The following IRGM variants were observed in gnomAD, a reference collection of about 807,000 sequenced individuals.
IRGM encodes the protein immunity related GTPase M.
For missense variants in IRGM, 288 were observed against 219.9 expected (o/e 1.31, Z -1.96); for synonymous variants, 98 against 80.6 (o/e 1.22, Z -1.16).
intron 1 of IRGM, among the ~76,000 whole-genome samples, chr5:150,865,500 T>C (rs1334839988): frequency 1.3e-5 from 2 of 152,190 alleles, no homozygotes; most frequent in African/African-American, 4.8e-5. Context: ...TACAGAAATC[T>C]TGAAACAGAA....
At chr5:150,877,921 T>C (rs1754387452) in intron 1 of IRGM, 1 of 440,128 alleles carries the variant, frequency 2.3e-6, no homozygotes, top group Admixed American at 2.6e-5. Context: ...TTATACTTTT[T>C]TGTTTGCATG....
At chr5:150,873,254 C>G (rs1754313830) in intron 1 of IRGM, among the ~76,000 whole-genome samples, 1 of 152,184 alleles carries the variant, frequency 6.6e-6, no homozygotes, top group South Asian at 2.1e-4. Flanking sequence ...CAGAAAACTT[C>G]CAGGCTGAGT....
chr5:150,885,523 T>A (rs1347432060), intron 3 of IRGM, among the ~76,000 whole-genome samples: 1 of 152,112 alleles, frequency 6.6e-6, no homozygotes, highest in Non-Finnish European at 1.5e-5. Flanking sequence ...ACGCCCATTT[T>A]AATGATATTA....
chr5:150,898,764 C>T (rs1056226846), intron 3 of IRGM, among the ~76,000 whole-genome samples: 2 of 151,890 alleles, frequency 1.3e-5, no homozygotes, highest in African/African-American at 4.8e-5. Context: ...TAATTTCATA[C>T]ATTTTAAAGG....
chr5:150,858,723 T>C (rs897726391), intron 1 of IRGM, among the ~76,000 whole-genome samples: 2 of 152,162 alleles, frequency 1.3e-5, no homozygotes, highest in African/African-American at 4.8e-5. Context: ...TTTGGCTCTC[T>C]GTTTGTCTGT....
Position 150,846,618 on chromosome 5 carries a change from C to G in IRGM, c.-1018C>G, listed in dbSNP as rs1487103264. The G allele has an allele frequency of 6.6e-6, 1 of 152,318 alleles. No homozygotes were observed. Among genetic ancestry groups the G allele is most frequent in the Admixed American group, 6.5e-5 (1 of 15,272 alleles). The allele number at this position is 152,318 out of a possible 1,614,324, so 9.4% of individuals were successfully genotyped here. A position where few individuals can be genotyped will look rare whatever the true frequency, so the allele number is the denominator to read the frequency against. On this transcript the variant is annotated 5_prime_UTR_variant, in exon 1 of 2. Coordinates refer to ENST00000522154, the MANE Select transcript of IRGM (RefSeq NM_001145805.2). ...TGCTCATTCTTTGGGTCCACACTGC[C>G]TTTATGAGCTGTAACACTCACCGTG...
chr5:150,876,075 C>T (rs2113282152), intron 1 of IRGM, among the ~76,000 whole-genome samples: 1 of 152,336 alleles, frequency 6.6e-6, no homozygotes, highest in Middle Eastern at 3.4e-3. Flanking sequence ...GCACTGTGCT[C>T]ATACTCATGG....
At chr5:150,897,778 G>A (rs1754846273) in intron 3 of IRGM, 1 of 390,540 alleles carries the variant, frequency 2.6e-6, no homozygotes, top group Non-Finnish European at 4.5e-6. Flanking sequence ...TCATTTATCT[G>A]GGAATATTGC....
chr5:150,872,215 T>C (rs550886183), intron 1 of IRGM, among the ~76,000 whole-genome samples: 184 of 152,362 alleles, frequency 1.2e-3, no homozygotes, highest in Middle Eastern at 6.8e-3. Context: ...GCATTCCTGA[T>C]GAAGCTGGGG....
At chr5:150,864,524 A>G (rs1444083418) in intron 1 of IRGM, among the ~76,000 whole-genome samples, 1 of 152,136 alleles carries the variant, frequency 6.6e-6, no homozygotes, top group African/African-American at 2.4e-5. Flanking sequence ...AAATCTCTTT[A>G]CAATTCAATC....
chr5:150,853,663 G>A (rs1243834641), downstream of IRGM, among the ~76,000 whole-genome samples: 2 of 151,974 alleles, frequency 1.3e-5, no homozygotes, highest in Non-Finnish European at 2.9e-5. Flanking sequence ...TTTGTCTCTT[G>A]TAACAGTTTT....
downstream of IRGM, among the ~76,000 whole-genome samples, chr5:150,851,427 A>G (rs1753973551): frequency 1.3e-5 from 2 of 152,212 alleles, no homozygotes; most frequent in South Asian, 4.1e-4. Context: ...GGACCTCATC[A>G]GGACAGGGAT....
chr5:150,854,456 C>A (rs1345976299), intron 1 of IRGM, among the ~76,000 whole-genome samples: 1 of 152,028 alleles, frequency 6.6e-6, no homozygotes, highest in Non-Finnish European at 1.5e-5. Flanking sequence ...TTTATTTCAA[C>A]TTTGAAGGGC....
At chr5:150,854,286 T>G (rs910767370) in intron 1 of IRGM, among the ~76,000 whole-genome samples, 4 of 152,150 alleles carry the variant, frequency 2.6e-5, no homozygotes, top group Admixed American at 6.5e-5. Flanking sequence ...CATGGATTTA[T>G]AATTATTTTT....
chr5:150,854,410 A>G (rs957963308), intron 1 of IRGM, among the ~76,000 whole-genome samples: 7 of 151,974 alleles, frequency 4.6e-5, no homozygotes, highest in African/African-American at 1.7e-4. Context: ...AGATCTTTAT[A>G]TTTTCCTATG....
chr5:150,882,314 A>G (rs1046843042), intron 3 of IRGM, among the ~76,000 whole-genome samples: 2 of 152,152 alleles, frequency 1.3e-5, no homozygotes, highest in Non-Finnish European at 1.5e-5. Context: ...GAAAGGAACA[A>G]AGAATCTACA....
chr5:150,897,060 A>G, intron 3 of IRGM: 1 of 1,052,042 alleles, frequency 9.5e-7, no homozygotes, highest in Non-Finnish European at 1.4e-6. Flanking sequence ...GATCCAACAT[A>G]GTAGATGAAC....
intron 3 of IRGM, among the ~76,000 whole-genome samples, chr5:150,882,065 C>T (rs774718907): frequency 6.6e-6 from 1 of 151,700 alleles, no homozygotes; most frequent in Non-Finnish European, 1.5e-5. Context: ...ACCTGTAGTC[C>T]CAGCTACTCA....
At chr5:150,899,523 C>A (rs905916679) in intron 3 of IRGM, among the ~76,000 whole-genome samples, 1 of 151,782 alleles carries the variant, frequency 6.6e-6, no homozygotes, top group African/African-American at 2.4e-5. Flanking sequence ...TAGCTTCCCC[C>A]AAATGTAATA....
Sources: gnomAD v4.1 joint callset for allele counts (sites outside exome capture counted in the v4.1 genomes callset) on GRCh38, gnomAD v4.1.1 for gene constraint, MANE v1.5 for transcripts, NCBI Gene and HGNC (gene_info 2026-07-23, HGNC 2026-07-21) for gene names.